The following TNFSF14 variants were observed in gnomAD, a reference collection of about 807,000 sequenced individuals.
TNFSF14 encodes the protein tumor necrosis factor ligand superfamily member 14.
Under a neutral mutation model 22.7 loss-of-function variants are expected in TNFSF14, and 15 were observed. The ratio of observed to expected loss-of-function variants is 0.66; its 90% CI spans 0.44 to 1.02. The LOEUF is 1.02. TNFSF14 is among the 50% of genes least tolerant of loss of function. The pLI is 0.00. For synonymous variants in TNFSF14, 133 were observed against 139.6 expected (o/e 0.95, Z 0.33); for missense variants, 287 against 326.2 (o/e 0.88, Z 0.93).
upstream of TNFSF14, chr19:6,670,162 C>A: frequency 6.5e-7 from 1 of 1,528,514 alleles, no homozygotes; most frequent in Non-Finnish European, 8.8e-7. Context: ...GTGCACGCTG[C>A]GGACAGGCAC....
chr19:6,663,102 C>T lies in TNFSF14; in HGVS notation c.*1824G>A, dbSNP rs1235612475. ...TTTAGGCCTGACAATTCCTCTCCAC[C>T]CTTCTTCAGTTTGTTCCCCTAAGAA... On this transcript the variant is annotated 3_prime_UTR_variant, in exon 4 of 4. Coordinates refer to ENST00000675206, the MANE Select transcript of TNFSF14 (RefSeq NM_001376887.1). 2 of 152,208 alleles carry T rather than the reference C, an allele frequency of 1.3e-5. No homozygotes were observed. Among genetic ancestry groups the T allele is most frequent in the Non-Finnish European group, 2.9e-5 (2 of 68,036 alleles). 9.4% of individuals were successfully genotyped at this position (152,208 alleles called of 1,614,324 possible).
At position 6,664,830 on chromosome 19, in the gene TNFSF14, A is replaced by G. The variant is rs1017475790; in HGVS notation, c.*96T>C. The G allele has an allele frequency of 7.9e-5, 116 of 1,460,434 alleles. No homozygotes were observed. Among genetic ancestry groups the G allele is most frequent in the Non-Finnish European group, 8.6e-5 (94 of 1,091,862 alleles). 90.5% of individuals were successfully genotyped at this position (1,460,434 alleles called of 1,614,324 possible). A position where few individuals can be genotyped will look rare whatever the true frequency, so the allele number is the denominator to read the frequency against. ...GCTGGGATTACAGGCGAGAGCCACC[A>G]CGCCCAGCCTCTGCTTCGTGAGTTT... is the stretch of plus-strand genomic sequence containing the variant. On this transcript the variant is annotated 3_prime_UTR_variant, in exon 4 of 4. Coordinates refer to ENST00000675206, the MANE Select transcript of TNFSF14 (RefSeq NM_001376887.1). The surrounding 1 kb of genome is among the most constrained non-coding windows in gnomAD (Gnocchi z 4.7).
rs1455540777 is a variant in TNFSF14 at position 6,664,824 on chromosome 19, G to A, written c.*102C>T. The A allele has an allele frequency of 1.4e-6, 2 of 1,437,288 alleles. No individual in the cohort carries two copies. The highest frequency in any genetic ancestry group is 1.9e-6 in the Non-Finnish European group (2 of 1,071,958). 89.0% of individuals were successfully genotyped at this position (1,437,288 alleles called of 1,614,324 possible). On this transcript the variant is annotated 3_prime_UTR_variant, in exon 4 of 4. Transcript: ENST00000675206. This position sits in a 1 kb window ranked among gnomAD's most constrained non-coding sequence, Gnocchi z 4.7. ...CAAAGTGCTGGGATTACAGGCGAGA[G>A]CCACCACGCCCAGCCTCTGCTTCGT...
At chr19:6,667,233 C>A in intron 2 of TNFSF14, 79 bp from the exon 3 acceptor site, 1 of 1,467,482 alleles carries the variant, frequency 6.8e-7, no homozygotes, top group South Asian at 1.4e-5. Context: ...ACCGTGTACA[C>A]CTCCTGGAAT....
In TNFSF14 at chr19:6,663,732, G is replaced by C. The variant is rs998415005; in HGVS notation, c.*1194C>G. On this transcript the variant is annotated 3_prime_UTR_variant, in exon 4 of 4. Transcript: ENST00000675206. ...GTTGTGCATGAATCTGGCACTTCGCGTGTATGAGTCTATAGTTGTGAAAGA... is the reference window on the plus strand; with the variant it reads ...GTTGTGCATGAATCTGGCACTTCGCCTGTATGAGTCTATAGTTGTGAAAGA... The C allele has an allele frequency of 6.6e-6, 1 of 152,444 alleles. No individual in the cohort carries two copies. Among genetic ancestry groups the C allele is most frequent in the Admixed American group, 6.5e-5 (1 of 15,276 alleles). 9.4% of individuals were successfully genotyped at this position (152,444 alleles called of 1,614,324 possible).
rs1917556072 is a variant in TNFSF14 at position 6,670,016 on chromosome 19, G to A, written c.54C>T (p.Asp18=). The A allele has an allele frequency of 3.7e-6, 6 of 1,614,060 alleles. No homozygotes were observed. Among genetic ancestry groups the A allele is most frequent in the Non-Finnish European group, 5.1e-6 (6 of 1,180,044 alleles). Residue 18 remains aspartate (D), a synonymous_variant, in exon 1 of 4, where the codon GAC becomes GAT. Transcript: ENST00000675206. Reference sequence around the variant, plus strand: ...TTCGTCCCAGCCTCGTGAATGGGATGTCGGTCTGTCCATCCACCACAAACA... The same window carrying A: ...TTCGTCCCAGCCTCGTGAATGGGATATCGGTCTGTCCATCCACCACAAACA... ...PSVFVVDGQT[D]IPFTRLGRSH...
intron 1 of TNFSF14, 80 bp downstream of exon 1, chr19:6,669,771 C>T: frequency 6.6e-7 from 1 of 1,506,454 alleles, no homozygotes. Flanking sequence ...CACACACACA[C>T]ACAGACACAC....
In TNFSF14 at chr19:6,665,320, C is replaced by G; in HGVS notation, c.329G>C (p.Gly110Ala). 6.3e-7 allele frequency: 1 copy of G among 1,598,016 alleles called. No homozygotes were observed. The highest frequency in any genetic ancestry group is 8.5e-7 in the Non-Finnish European group (1 of 1,172,540). The change falls in exon 4 of 4, where the codon GGG (glycine) becomes GCG (alanine). Residue 110 changes from glycine (G) to alanine (A), a missense_variant. Physicochemically the swap from Gly to Ala is moderately conservative, Grantham distance 60 (BLOSUM62 0). Coordinates refer to ENST00000675206, the MANE Select transcript of TNFSF14 (RefSeq NM_001376887.1). ...CAGCTGAGTCTCCCATAACAGCGGC[C>G]CCCCGCTGCCGGTCAAGCTGGAGTT... is the stretch of plus-strand genomic sequence containing the variant. ...GANSSLTGSGGPLLWETQLGL... is the reference protein window; with the variant it reads ...GANSSLTGSGAPLLWETQLGL...
Position 6,669,836 on chromosome 19 carries a change from C to T in TNFSF14, c.219+15G>A. 1 of 1,609,986 alleles carries T rather than the reference C, an allele frequency of 6.2e-7. No homozygotes were observed. Among genetic ancestry groups the T allele is most frequent in the Non-Finnish European group, 8.5e-7 (1 of 1,179,802 alleles). On this transcript the variant is annotated intron_variant, in intron 1 of 3. Coordinates refer to ENST00000675206, the MANE Select transcript of TNFSF14 (RefSeq NM_001376887.1). Reference sequence around the variant, plus strand: ...CCTCACCTCCACCTGCTCTCAGCCCCCCGGTCCCACTCACAGGCAGGCGGG... The same window carrying T: ...CCTCACCTCCACCTGCTCTCAGCCCTCCGGTCCCACTCACAGGCAGGCGGG...
rs1289868440 is a variant in TNFSF14 at position 6,661,686 on chromosome 19, G to C, written c.*3240C>G. The C allele has an allele frequency of 6.6e-6, 1 of 152,246 alleles. No homozygotes were observed. Among genetic ancestry groups the C allele is most frequent in the East Asian group, 1.9e-4 (1 of 5,204 alleles). The allele number at this position is 152,246 out of a possible 1,614,324, so 9.4% of individuals were successfully genotyped here. A position where few individuals can be genotyped will look rare whatever the true frequency, so the allele number is the denominator to read the frequency against. On this transcript the variant is annotated 3_prime_UTR_variant, in exon 4 of 4. Transcript: ENST00000675206. ...GTCTGCCTGGCCCTCTCAGCTAAGG[G>C]AGAGTCAATCACGTTAAACACAAGG... is the stretch of plus-strand genomic sequence containing the variant.
intron 1 of TNFSF14, 135 bp downstream of exon 1, chr19:6,669,716 C>T: frequency 7.2e-7 from 1 of 1,381,342 alleles, no homozygotes; most frequent in Non-Finnish European, 9.7e-7. Context: ...AAGCCAGCTG[C>T]TCTCAGCCTG....
chr19:6,665,179 C>A lies in TNFSF14; in HGVS notation c.470G>T (p.Gly157Val). The A allele has an allele frequency of 6.2e-7, 1 of 1,614,122 alleles. No individual in the cohort carries two copies. The highest frequency in any genetic ancestry group is 8.5e-7 in the Non-Finnish European group (1 of 1,180,018). The change falls in exon 4 of 4, where the codon GGC (glycine) becomes GTC (valine). Residue 157 changes from glycine to valine, a missense_variant. Coordinates refer to ENST00000675206, the MANE Select transcript of TNFSF14 (RefSeq NM_001376887.1). ...GCCGTGGGTGATGGTGCTGGCCAGG[C>A]CCAGCGGGCAGCCCACACCGCCCAG... is the stretch of plus-strand genomic sequence containing the variant. ...VQLGGVGCPL[G>V]LASTITHGLY... is the part of the protein sequence containing the mutation.
At chr19:6,666,993 A>G in intron 3 of TNFSF14, 120 bp downstream of exon 3, 2 of 1,042,820 alleles carry the variant, frequency 1.9e-6, no homozygotes, top group East Asian at 5.9e-5. Context: ...CTATGTTCTG[A>G]GCAACTCTGT....
intron 2 of TNFSF14, 124 bp downstream of exon 2, chr19:6,667,289 C>T (rs913931799): frequency 5.5e-6 from 8 of 1,441,624 alleles, no homozygotes; most frequent in South Asian, 2.9e-5. Context: ...CTTCTCAGGC[C>T]TGGGGGAGGG....
intron 3 of TNFSF14, 58 bp from the exon 4 acceptor site, chr19:6,665,408 CTTGTTTGT>C: frequency 1.4e-6 from 2 of 1,446,320 alleles, no homozygotes; most frequent in Non-Finnish European, 1.8e-6. Context: ...TCCTCTGTTG[CTTGTTTGT>C]TTGTTTGTTT....
intron 3 of TNFSF14, among the ~76,000 whole-genome samples, chr19:6,665,784 CGT>C (rs35598085): frequency 0.29 from 40,538 of 140,232 alleles, 5,732 homozygotes; most frequent in East Asian, 0.56. Context: ...TGCATGTGTG[CGT>C]GTGTGTGTGT....
At chr19:6,668,239 TG>T (rs1446360131) in intron 1 of TNFSF14, among the ~76,000 whole-genome samples, 1 of 151,806 alleles carries the variant, frequency 6.6e-6, no homozygotes, top group Non-Finnish European at 1.5e-5. Context: ...GGTGCATGCC[TG>T]TAGTCCCAGC....
At position 6,669,981 on chromosome 19, in the gene TNFSF14, C is replaced by T. The variant is rs748673655; in HGVS notation, c.89G>A (p.Arg30Lys). 8.1e-6 allele frequency: 13 copies of T among 1,614,098 alleles called. No homozygotes were observed. The East Asian group carries it at 2.9e-4, about 36-fold the overall frequency. Residue 30 changes from arginine to lysine, a missense_variant, in exon 1 of 4, where the codon AGA becomes AAA. Transcript: ENST00000675206. The stretch of plus-strand genomic sequence containing the variant: ...CACCCGGGCCACACTGCACGACTGT[C>T]TCCGGTGGCTTCGTCCCAGCCTCGT... ...PFTRLGRSHR[R>K]QSCSVARVGL...
At position 6,661,334 on chromosome 19, in the gene TNFSF14, G is replaced by A. The variant is rs1232997319; in HGVS notation, c.*3592C>T. 1 of 152,406 alleles carries A rather than the reference G, an allele frequency of 6.6e-6. No individual in the cohort carries two copies. Among genetic ancestry groups the A allele is most frequent in the Non-Finnish European group, 1.5e-5 (1 of 68,044 alleles). 9.4% of individuals were successfully genotyped at this position (152,406 alleles called of 1,614,324 possible). A position where few individuals can be genotyped will look rare whatever the true frequency, so the allele number is the denominator to read the frequency against. ...AAATTCTCTCCACCCCAAAGAAGGG[G>A]CTAGGTTTCTTTTTATACCTTGGTT... is the stretch of plus-strand genomic sequence containing the variant. On this transcript the variant is annotated 3_prime_UTR_variant, in exon 4 of 4. Coordinates refer to ENST00000675206, the MANE Select transcript of TNFSF14 (RefSeq NM_001376887.1).
Sources: allele counts gnomAD v4.1 joint callset (sites outside exome capture counted in the v4.1 genomes callset), GRCh38; gene constraint gnomAD v4.1.1; non-coding constraint Gnocchi (gnomAD v3.1); transcripts MANE v1.5; gene names NCBI Gene and HGNC (gene_info 2026-07-23, HGNC 2026-07-21).